Variants in WWC2 observed in about 807,000 individuals in gnomAD.
WWC2 encodes the protein WW and C2 domain containing 2.
A neutral mutation model predicts 138.5 loss-of-function variants in WWC2; 101 were observed. That is an observed-to-expected ratio of 0.73 (90% CI 0.62 to 0.86). The LOEUF (loss-of-function observed/expected upper bound fraction) is 0.86. Among genes scored for constraint, WWC2 ranks in the 40% least tolerant of loss-of-function variants. The pLI is 0.00. For missense variants in WWC2, 1,420 were observed against 1,419.4 expected (o/e 1.00, Z -0.01); for synonymous variants, 558 against 538.4 (o/e 1.04, Z -0.50).
chr4:183,102,311 A>G (rs1335823585), intron 1 of WWC2, among the ~76,000 whole-genome samples: 1 of 152,182 alleles, frequency 6.6e-6, no homozygotes, highest in African/African-American at 2.4e-5. Flanking sequence ...TTGACATTCC[A>G]GTTTAGGAAC....
In WWC2 at chr4:183,320,029, A is replaced by C. The variant is rs1739589405; in HGVS notation, c.*4300A>C. The stretch of plus-strand genomic sequence containing the variant: ...GCCAGGAAGGAGTCAAAGTCCTTGC[A>C]TTGCATCCCCACTTCCTCTTGGATG... On this transcript the variant is annotated 3_prime_UTR_variant, in exon 23 of 23. Coordinates refer to ENST00000403733, the MANE Select transcript of WWC2 (RefSeq NM_024949.6). 1 of 1,613,890 alleles carries C rather than the reference A, an allele frequency of 6.2e-7. No individual in the cohort carries two copies. Among genetic ancestry groups the C allele is most frequent in the Admixed American group, 1.7e-5 (1 of 60,010 alleles).
At chr4:183,244,888 G>A (rs1181910497) in intron 5 of WWC2, among the ~76,000 whole-genome samples, 1 of 152,036 alleles carries the variant, frequency 6.6e-6, no homozygotes, top group East Asian at 1.9e-4. Flanking sequence ...CAGATTGAAG[G>A]CAAAAAGACA....
chr4:183,118,588 A>G (rs565919374), intron 1 of WWC2, among the ~76,000 whole-genome samples: 1 of 152,336 alleles, frequency 6.6e-6, no homozygotes, highest in South Asian at 2.1e-4. Flanking sequence ...TTTTTTAGAA[A>G]ATGTGGACAA....
chr4:183,145,218 T>A (rs1196312567), intron 1 of WWC2, among the ~76,000 whole-genome samples: 1 of 152,248 alleles, frequency 6.6e-6, no homozygotes, highest in Non-Finnish European at 1.5e-5. Context: ...AGAGGTTAAA[T>A]GTGTGTCATT....
intron 21 of WWC2, among the ~76,000 whole-genome samples, chr4:183,295,235 T>G (rs13101537): frequency 0.66 from 99,535 of 151,738 alleles, 33,747 homozygotes; most frequent in Non-Finnish European, 0.75. Flanking sequence ...GGCTACTTTT[T>G]TTCCTTTGGT....
chr4:183,313,769 G>T (rs1739340882), intron 22 of WWC2, among the ~76,000 whole-genome samples: 1 of 151,040 alleles, frequency 6.6e-6, no homozygotes, highest in African/African-American at 2.4e-5. Context: ...GGCTGGAGAG[G>T]TCAGAGGAGA....
At chr4:183,103,289 C>T (rs575867612) in intron 1 of WWC2, among the ~76,000 whole-genome samples, 5 of 149,686 alleles carry the variant, frequency 3.3e-5, no homozygotes, top group South Asian at 4.2e-4. Flanking sequence ...TCTCCACACC[C>T]GTTTGAGGCA....
At chr4:183,109,866 T>C (rs1732177247) in intron 1 of WWC2, among the ~76,000 whole-genome samples, 1 of 152,228 alleles carries the variant, frequency 6.6e-6, no homozygotes, top group South Asian at 2.1e-4. Context: ...TTTTTTGTTT[T>C]TAAAACAAGG....
intron 2 of WWC2, among the ~76,000 whole-genome samples, chr4:183,199,235 G>A (rs941913237): frequency 6.6e-6 from 1 of 152,180 alleles, no homozygotes; most frequent in African/African-American, 2.4e-5. Context: ...GTGTGACTGG[G>A]GTAACCGGGG....
intron 1 of WWC2, among the ~76,000 whole-genome samples, chr4:183,164,281 TATATATATATATATATATAC>T (rs1561443550): frequency 0.11 from 108 of 972 alleles, 8 homozygotes; most frequent in African/African-American, 0.17. Context: ...TATATATATA[TATATATATATATATATATAC>T]ATATATATAT....
At chr4:183,240,565 G>A (rs566577681) in intron 5 of WWC2, 50 of 213,882 alleles carry the variant, frequency 2.3e-4, no homozygotes, top group African/African-American at 1.0e-3. Context: ...TGAGATTGTG[G>A]TACAGAGCTA....
intron 1 of WWC2, among the ~76,000 whole-genome samples, chr4:183,181,330 G>A (rs28479105): frequency 0.011 from 1,749 of 152,266 alleles, 38 homozygotes; most frequent in African/African-American, 0.04. Flanking sequence ...TTAGTACACT[G>A]TGGGACCCAT....
intron 4 of WWC2, among the ~76,000 whole-genome samples, chr4:183,218,933 CCTACA>C (rs745614598): frequency 4.6e-5 from 7 of 152,142 alleles, no homozygotes; most frequent in Non-Finnish European, 1.0e-4. Flanking sequence ...CTATTACATA[CCTACA>C]ACCTATGTGT....
chr4:183,261,644 T>G, intron 11 of WWC2, 112 bp downstream of exon 11: 2 of 1,275,194 alleles, frequency 1.6e-6, no homozygotes, highest in East Asian at 2.6e-5. Flanking sequence ...CTCTTTCTTT[T>G]GAGTAATCGT....
At chr4:183,212,871 G>A (rs1010010307) in intron 4 of WWC2, among the ~76,000 whole-genome samples, 2 of 151,952 alleles carry the variant, frequency 1.3e-5, no homozygotes, top group East Asian at 1.9e-4. Flanking sequence ...GGTTTAGTTC[G>A]CTCTTAATAT....
intron 2 of WWC2, among the ~76,000 whole-genome samples, chr4:183,199,298 A>G (rs2111222981): frequency 6.6e-6 from 1 of 152,148 alleles, no homozygotes; most frequent in East Asian, 1.9e-4. Flanking sequence ...AATCTTTCAA[A>G]GCCCTCTTTA....
chr4:183,211,131 ATTTTC>A (rs1735585283), intron 4 of WWC2, among the ~76,000 whole-genome samples: 1 of 152,036 alleles, frequency 6.6e-6, no homozygotes, highest in South Asian at 2.1e-4. Context: ...ACAATTGGAG[ATTTTC>A]TTTTATTATT....
At position 183,315,985 on chromosome 4, in the gene WWC2, T is replaced by G. The variant is rs1265024972; in HGVS notation, c.*256T>G. The G allele has an allele frequency of 5.5e-6, 2 of 365,808 alleles. No homozygotes were observed. The highest frequency in any genetic ancestry group is 1.0e-5 in the Non-Finnish European group (2 of 197,108). The allele number at this position is 365,808 out of a possible 1,614,324, so 22.7% of individuals were successfully genotyped here. A position where few individuals can be genotyped will look rare whatever the true frequency, so the allele number is the denominator to read the frequency against. ...CCTGGTACACAAATGTTGCCCAGTATGTGCGCATTGCCAGTGGACTTCATT... is the reference window on the plus strand; with the variant it reads ...CCTGGTACACAAATGTTGCCCAGTAGGTGCGCATTGCCAGTGGACTTCATT... On this transcript the variant is annotated 3_prime_UTR_variant, in exon 23 of 23. Transcript: ENST00000403733.
chr4:183,312,988 G>A (rs940838265), intron 22 of WWC2, among the ~76,000 whole-genome samples: 3 of 152,144 alleles, frequency 2.0e-5, no homozygotes, highest in Admixed American at 1.3e-4. Flanking sequence ...TGAGAGATGT[G>A]GGAGGAGCCT....
Sources: gnomAD v4.1 joint callset for allele counts (sites outside exome capture counted in the v4.1 genomes callset) on GRCh38, gnomAD v4.1.1 for gene constraint, MANE v1.5 for transcripts, NCBI Gene and HGNC (gene_info 2026-07-23, HGNC 2026-07-21) for gene names.